Variants in ABL1 observed in about 807,000 individuals in gnomAD.
The protein encoded by ABL1 is ABL proto-oncogene 1, non-receptor tyrosine kinase.
ABL1 carries 11 observed loss-of-function variants against 94.7 expected under a neutral mutation model. The ratio of observed to expected loss-of-function variants is 0.12; its 90% CI spans 0.07 to 0.19. The LOEUF (loss-of-function observed/expected upper bound fraction) is 0.19, where lower values mean the gene tolerates loss of function less well. ABL1 is among the 10% of genes least tolerant of loss of function. The pLI, the probability that ABL1 is intolerant of heterozygous loss-of-function variation, is 1.00. For missense variants in ABL1, 1,082 were observed against 1,489.4 expected, an observed-to-expected ratio of 0.73 and a Z score of 4.50; for synonymous variants, 656 against 622.4, an observed-to-expected ratio of 1.05 and a Z score of -0.80.
Position 130,885,455 on chromosome 9 carries a change from A to G in ABL1, c.3165A>G (p.Ala1055=). 1 of 1,613,964 alleles carries G rather than the reference A, an allele frequency of 6.2e-7. No individual in the cohort carries two copies. Among genetic ancestry groups the G allele is most frequent in the Non-Finnish European group, 8.5e-7 (1 of 1,180,044 alleles). ...CCGAGCAGATGGCCAGCCACAGCGCAGTGCTGGAGGCCGGCAAAAACCTCT... is the reference window on the plus strand; with the variant it reads ...CCGAGCAGATGGCCAGCCACAGCGCGGTGCTGGAGGCCGGCAAAAACCTCT... ...RNSEQMASHS[A]VLEAGKNLYT... Residue 1055 remains alanine, a synonymous_variant, in exon 11 of 11, where the codon GCA becomes GCG. Transcript: ENST00000318560.
At chr9:130,841,110 G>A (rs1249506635) in intron 1 of ABL1, among the ~76,000 whole-genome samples, 1 of 151,890 alleles carries the variant, frequency 6.6e-6, no homozygotes, top group Non-Finnish European at 1.5e-5. Flanking sequence ...AACGATAGCT[G>A]ATGAGCTAAA....
chr9:130,713,755 G>C (rs565585208), exon 1 of ABL1, among the ~76,000 whole-genome samples: 13 of 152,340 alleles, frequency 8.5e-5, no homozygotes, highest in South Asian at 6.2e-4. Flanking sequence ...CTTTTCGTCA[G>C]AGTCGAGGGC....
intron 1 of ABL1, among the ~76,000 whole-genome samples, chr9:130,810,234 G>T (rs186996031): frequency 3.0e-4 from 45 of 152,320 alleles, no homozygotes; most frequent in Non-Finnish European, 5.9e-4. Flanking sequence ...GGTGGCTCAC[G>T]CCTGTAATGC....
intron 1 of ABL1, among the ~76,000 whole-genome samples, chr9:130,768,813 G>T (rs986972573): frequency 3.3e-5 from 5 of 152,128 alleles, no homozygotes; most frequent in African/African-American, 1.2e-4. Flanking sequence ...TTAAATATTT[G>T]TTCATTGGGA....
At chr9:130,759,000 C>A (rs1256825614) in intron 1 of ABL1, among the ~76,000 whole-genome samples, 2 of 152,158 alleles carry the variant, frequency 1.3e-5, no homozygotes, top group African/African-American at 2.4e-5. Context: ...TGCTTTGGAA[C>A]CTCTTTCGGT....
chr9:130,722,629 G>T (rs1035511022), intron 1 of ABL1, among the ~76,000 whole-genome samples: 9 of 152,054 alleles, frequency 5.9e-5, no homozygotes, highest in Admixed American at 5.9e-4. Flanking sequence ...CAATGGGATC[G>T]TACAGGTGAG....
chr9:130,886,999 G>C lies in ABL1; in HGVS notation c.*1316G>C. The C allele has an allele frequency of 4.3e-6, 1 of 232,848 alleles. No homozygotes were observed. Among genetic ancestry groups the C allele is most frequent in the Non-Finnish European group, 8.5e-6 (1 of 117,766 alleles). 14.4% of individuals were successfully genotyped at this position (232,848 alleles called of 1,614,324 possible). On this transcript the variant is annotated 3_prime_UTR_variant, in exon 11 of 11. Coordinates refer to ENST00000318560, the MANE Select transcript of ABL1 (RefSeq NM_005157.6). ...AAGCCTCACGTATTTCACAGAGCAC[G>C]CCTGCCATCTTCTCCCCGAGGCTGC...
chr9:130,745,284 A>G (rs899513230), intron 1 of ABL1, among the ~76,000 whole-genome samples: 1 of 151,912 alleles, frequency 6.6e-6, no homozygotes, highest in South Asian at 2.1e-4. Flanking sequence ...GGATTTCTCC[A>G]TGTTGGTCAA....
At chr9:130,732,289 C>T (rs1831676308) in intron 1 of ABL1, among the ~76,000 whole-genome samples, 1 of 151,954 alleles carries the variant, frequency 6.6e-6, no homozygotes, top group South Asian at 2.1e-4. Flanking sequence ...AATTTATATT[C>T]CTGAGGACCA....
At chr9:130,802,806 TA>T (rs2132834244) in intron 1 of ABL1, among the ~76,000 whole-genome samples, 1 of 152,296 alleles carries the variant, frequency 6.6e-6, no homozygotes, top group East Asian at 1.9e-4. Flanking sequence ...AAATTCTGGA[TA>T]TTCTGGATTC....
intron 1 of ABL1, among the ~76,000 whole-genome samples, chr9:130,846,774 C>T (rs1830779317): frequency 6.6e-6 from 1 of 152,242 alleles, no homozygotes. Flanking sequence ...GCGTCTGGCA[C>T]AGCACCAGCA....
At position 130,884,427 on chromosome 9, in the gene ABL1, T is replaced by TTCCTGCGCTCTTGCTCCGCC; in HGVS notation, c.2145_2164dup (p.Val722AlafsTer61). The TTCCTGCGCTCTTGCTCCGCC allele has an allele frequency of 1.2e-6, 2 of 1,612,416 alleles. No individual in the cohort carries two copies. Among genetic ancestry groups the TTCCTGCGCTCTTGCTCCGCC allele is most frequent in the Non-Finnish European group, 1.7e-6 (2 of 1,179,910 alleles). On this transcript the variant is annotated frameshift_variant, in exon 11 of 11. Transcript: ENST00000318560. LOFTEE classifies it high-confidence loss of function. The surrounding 1 kb of genome is among the most constrained non-coding windows in gnomAD (Gnocchi z 5.6). ...GGGCGGTGGCAGCTCCAGCAAGCGCTTCCTGCGCTCTTGCTCCGCCTCCTG... is the reference window on the plus strand; with the variant it reads ...GGGCGGTGGCAGCTCCAGCAAGCGCTTCCTGCGCTCTTGCTCCGCCTCCTGCGCTCTTGCTCCGCCTCCTG...
chr9:130,789,336 C>A (rs1484043356), intron 1 of ABL1, among the ~76,000 whole-genome samples: 1 of 152,198 alleles, frequency 6.6e-6, no homozygotes, highest in African/African-American at 2.4e-5. Flanking sequence ...CAGCTGCTCC[C>A]ACATGGGTGT....
intron 1 of ABL1, among the ~76,000 whole-genome samples, chr9:130,778,464 C>T (rs1292259536): frequency 1.3e-5 from 2 of 152,212 alleles, no homozygotes; most frequent in Non-Finnish European, 2.9e-5. Flanking sequence ...AGAAGTGGGT[C>T]AGGCGTGTGC....
intron 1 of ABL1, among the ~76,000 whole-genome samples, chr9:130,797,266 G>GAACTTTGAA (rs929946184): frequency 1.7e-5 from 1 of 60,478 alleles, no homozygotes; most frequent in African/African-American, 4.8e-5. Context: ...AAAAAAAAAA[G>GAACTTTGAA]AACTTTGAAT....
chr9:130,720,093 ATTTAT>A (rs1356112848), intron 1 of ABL1, among the ~76,000 whole-genome samples: 3 of 152,198 alleles, frequency 2.0e-5, no homozygotes, highest in African/African-American at 7.2e-5. Flanking sequence ...TTCAACAAAC[ATTTAT>A]TTTATTGAGC....
exon 1 of ABL1, chr9:130,714,105 G>A (rs537247579): frequency 4.8e-6 from 2 of 416,658 alleles, no homozygotes; most frequent in East Asian, 3.6e-5. Flanking sequence ...ATTGATAACC[G>A]CGAAAATAAT....
intron 1 of ABL1, among the ~76,000 whole-genome samples, chr9:130,729,963 G>A (rs1285903282): frequency 4.0e-5 from 6 of 148,236 alleles, no homozygotes; most frequent in Non-Finnish European, 8.9e-5. Flanking sequence ...GGCTGGTCCC[G>A]AACTCCTGAC....
At chr9:130,820,763 A>G (rs1477729525) in intron 1 of ABL1, among the ~76,000 whole-genome samples, 1 of 152,154 alleles carries the variant, frequency 6.6e-6, no homozygotes, top group Non-Finnish European at 1.5e-5. Flanking sequence ...TATGACATCC[A>G]CTTAGAAAAA....
Sources: allele counts gnomAD v4.1 joint callset (sites outside exome capture counted in the v4.1 genomes callset), GRCh38; gene constraint gnomAD v4.1.1; non-coding constraint Gnocchi (gnomAD v3.1); transcripts MANE v1.5; gene names NCBI Gene and HGNC (gene_info 2026-07-23, HGNC 2026-07-21).